Variants in FIRRM observed in about 807,000 individuals in gnomAD.
FIRRM encodes FIGNL1 interacting regulator of recombination and mitosis.
chr1:169,804,234 G>T, the FIRRM span: 2 of 1,505,008 alleles, frequency 1.3e-6, no homozygotes, highest in Admixed American at 2.2e-5. Flanking sequence ...TTTGAATATG[G>T]TAATAGGTGA....
At chr1:169,814,509 GTC>G in the FIRRM span, among the ~76,000 whole-genome samples, 2 of 152,150 alleles carry the variant, frequency 1.3e-5, no homozygotes, top group African/African-American at 4.8e-5. Context: ...TGAGCAGTTT[GTC>G]TCTCCAGTAA....
chr1:169,784,846 CT>C, the FIRRM span: 1 of 152,092 alleles, frequency 6.6e-6, no homozygotes, highest in Non-Finnish European at 1.5e-5. Flanking sequence ...CAAGAGTAAA[CT>C]TTCTTATAAG....
chr1:169,852,575 A>G, the FIRRM span: 3 of 569,266 alleles, frequency 5.3e-6, no homozygotes, highest in South Asian at 2.2e-5. Flanking sequence ...CATACAAACT[A>G]AGACACTGGT....
chr1:169,830,808 TA>T, the FIRRM span: 149 of 1,414,150 alleles, frequency 1.1e-4, 3 homozygotes, highest in South Asian at 1.7e-3. Context: ...GGGGATATGA[TA>T]ATCTTTAAGA....
At chr1:169,819,376 G>A in the FIRRM span, among the ~76,000 whole-genome samples, 2 of 152,132 alleles carry the variant, frequency 1.3e-5, no homozygotes, top group Admixed American at 1.3e-4. Flanking sequence ...TCCCCCTCGT[G>A]CCATTAGTTA....
the FIRRM span, among the ~76,000 whole-genome samples, chr1:169,838,275 AG>A: frequency 6.6e-6 from 1 of 152,124 alleles, no homozygotes. Context: ...ACTTTATTTT[AG>A]AAAAAGTATC....
At chr1:169,797,324 C>A in the FIRRM span, among the ~76,000 whole-genome samples, 2 of 152,120 alleles carry the variant, frequency 1.3e-5, no homozygotes, top group Non-Finnish European at 2.9e-5. Flanking sequence ...TTGCATTTTA[C>A]GTATTATTTT....
the FIRRM span, among the ~76,000 whole-genome samples, chr1:169,814,155 G>A: frequency 6.6e-6 from 1 of 152,096 alleles, no homozygotes; most frequent in Non-Finnish European, 1.5e-5. Flanking sequence ...GGTCTGAACT[G>A]CACAGGTCAA....
chr1:169,827,863 G>A, the FIRRM span: 1 of 1,611,180 alleles, frequency 6.2e-7, no homozygotes, highest in Non-Finnish European at 8.5e-7. Context: ...TTTTTATCCA[G>A]TCATATTACC....
the FIRRM span, chr1:169,832,342 G>A: frequency 1.1e-6 from 1 of 927,446 alleles, no homozygotes; most frequent in Non-Finnish European, 1.8e-6. Context: ...TTAATATTTT[G>A]GCATATTCTC....
At chr1:169,843,905 G>A in the FIRRM span, 2 of 613,804 alleles carry the variant, frequency 3.3e-6, no homozygotes, top group Non-Finnish European at 5.8e-6. Context: ...CTTCATCAAG[G>A]ATATCTCATT....
the FIRRM span, chr1:169,829,140 T>G: frequency 2.5e-6 from 2 of 799,554 alleles, no homozygotes; most frequent in East Asian, 2.9e-5. Context: ...TGGAAACTAT[T>G]GCTGATTATA....
chr1:169,827,951 T>C, the FIRRM span: 1 of 1,157,522 alleles, frequency 8.6e-7, no homozygotes, highest in South Asian at 1.5e-5. Flanking sequence ...CAGATATTTA[T>C]GTTAATAGTT....
chr1:169,844,843 T>A, the FIRRM span, among the ~76,000 whole-genome samples: 3 of 152,320 alleles, frequency 2.0e-5, no homozygotes, highest in South Asian at 6.2e-4. Context: ...TTGCTTCCTT[T>A]ATAAAAGATT....
At chr1:169,818,710 A>G in the FIRRM span, among the ~76,000 whole-genome samples, 2 of 152,168 alleles carry the variant, frequency 1.3e-5, no homozygotes, top group Admixed American at 1.3e-4. Context: ...ATTTTGAGAC[A>G]GAGTCTTGCT....
At chr1:169,853,025 C>A in the FIRRM span, 1 of 1,582,838 alleles carries the variant, frequency 6.3e-7, no homozygotes, top group South Asian at 1.1e-5. Flanking sequence ...GATGCTTTGT[C>A]AACTGAAAAT....
the FIRRM span, among the ~76,000 whole-genome samples, chr1:169,799,187 GATGT>G: frequency 6.6e-6 from 1 of 152,182 alleles, no homozygotes; most frequent in Non-Finnish European, 1.5e-5. Flanking sequence ...TTTTGTTGAT[GATGT>G]ATGTATAAAC....
the FIRRM span, among the ~76,000 whole-genome samples, chr1:169,842,952 A>G: frequency 6.6e-6 from 1 of 152,160 alleles, no homozygotes; most frequent in South Asian, 2.1e-4. Flanking sequence ...GCTAATTTGT[A>G]TTTCTCTTTC....
the FIRRM span, among the ~76,000 whole-genome samples, chr1:169,841,928 AG>A: frequency 6.6e-6 from 1 of 152,100 alleles, no homozygotes; most frequent in Non-Finnish European, 1.5e-5. Flanking sequence ...CTGTAATCCT[AG>A]CACTTTGGGA....
Sources: allele counts gnomAD v4.1 joint callset (sites outside exome capture counted in the v4.1 genomes callset), GRCh38; gene constraint gnomAD v4.1.1; transcripts MANE v1.5; gene names NCBI Gene and HGNC (gene_info 2026-07-23, HGNC 2026-07-21).